The following FAM47E variants were observed in gnomAD, a reference collection of about 807,000 sequenced individuals.
FAM47E encodes the protein family with sequence similarity 47 member E.
FAM47E carries 32 observed loss-of-function variants against 41.6 expected under a neutral mutation model. That is an observed-to-expected ratio of 0.77 (90% confidence interval 0.58 to 1.03). FAM47E has a LOEUF of 1.03. FAM47E is among the 50% of genes least tolerant of loss of function. The probability of loss-of-function intolerance (pLI) is 0.00; values close to 1 mark genes in which losing one functional copy is unlikely to be tolerated. For missense variants in FAM47E, 424 were observed against 485.4 expected (o/e 0.87, Z 1.19); for synonymous variants, 184 against 188.7 (o/e 0.98, Z 0.20).
At chr4:76,236,856 G>T (rs1006065340) in intron 2 of FAM47E, among the ~76,000 whole-genome samples, 1 of 151,514 alleles carries the variant, frequency 6.6e-6, no homozygotes, top group African/African-American at 2.4e-5. Flanking sequence ...CAGGTAGTAG[G>T]CTTCAGAGAG....
At chr4:76,224,188 T>A (rs892346537) in intron 2 of FAM47E, among the ~76,000 whole-genome samples, 2 of 152,230 alleles carry the variant, frequency 1.3e-5, no homozygotes, top group African/African-American at 4.8e-5. Flanking sequence ...ATTACATACA[T>A]GTTTTCAGGT....
At chr4:76,268,304 G>T in intron 3 of FAM47E, 1 of 193,226 alleles carries the variant, frequency 5.2e-6, no homozygotes, top group South Asian at 9.8e-5. Flanking sequence ...GAGAAGTCAA[G>T]GATGACTCCT....
At chr4:76,254,929 T>A (rs921521541) in intron 1 of FAM47E, among the ~76,000 whole-genome samples, 2 of 152,126 alleles carry the variant, frequency 1.3e-5, no homozygotes, top group Non-Finnish European at 2.9e-5. Flanking sequence ...TACTCAATGC[T>A]AACAGGGCGC....
At chr4:76,217,543 G>A in intron 1 of FAM47E, 1 of 449,848 alleles carries the variant, frequency 2.2e-6, no homozygotes, top group East Asian at 3.3e-5. Context: ...CTGCCCATGT[G>A]CCTCACACAG....
At chr4:76,268,871 A>G (rs970616078) in intron 4 of FAM47E, 103 bp downstream of exon 4, 2 of 1,431,918 alleles carry the variant, frequency 1.4e-6, no homozygotes, top group African/African-American at 1.4e-5. Flanking sequence ...AGTTGCTTTT[A>G]TTAAAAAACA....
chr4:76,235,313 G>A (rs1049237792), intron 2 of FAM47E, among the ~76,000 whole-genome samples: 3 of 152,182 alleles, frequency 2.0e-5, no homozygotes, highest in Non-Finnish European at 4.4e-5. Flanking sequence ...GCGAGACTCC[G>A]TCTCAAAAAA....
At chr4:76,227,890 C>A (rs977247124) in intron 2 of FAM47E, among the ~76,000 whole-genome samples, 1 of 152,118 alleles carries the variant, frequency 6.6e-6, no homozygotes, top group African/African-American at 2.4e-5. Context: ...ATATCTTTTT[C>A]TAGCCCATTA....
intron 5 of FAM47E, among the ~76,000 whole-genome samples, chr4:76,273,164 G>A (rs1372467167): frequency 1.3e-5 from 2 of 152,318 alleles, no homozygotes; most frequent in African/African-American, 2.4e-5. Flanking sequence ...GGTGGGTAGT[G>A]TGTACAGTGT....
intron 3 of FAM47E, among the ~76,000 whole-genome samples, chr4:76,265,703 A>G (rs2110014471): frequency 6.6e-6 from 1 of 152,274 alleles, no homozygotes; most frequent in South Asian, 2.1e-4. Context: ...GTGGCTGGTC[A>G]TCAGAAAGAC....
Position 76,226,426 on chromosome 4 carries a change from G to T in FAM47E, c.81+8738G>T, listed in dbSNP as rs561431288. Among the ~76,000 whole-genome samples, 6 of 152,342 alleles carry T rather than the reference G, an allele frequency of 3.9e-5. No individual in the cohort carries two copies. The East Asian group carries it at 1.2e-3, about 29-fold the overall frequency. Reference sequence around the variant, plus strand: ...ATTTATGATTTTGGGAGAGCAAGGAGCAAGGGGCCAGTGAGTCTGGACACA... The same window carrying T: ...ATTTATGATTTTGGGAGAGCAAGGATCAAGGGGCCAGTGAGTCTGGACACA... On this transcript the variant is annotated intron_variant, in intron 2 of 7. Coordinates refer to the FAM47E transcript ENST00000510197.
intron 7 of FAM47E, 67 bp from the exon 8 acceptor site, chr4:76,283,314 G>A: frequency 1.2e-6 from 1 of 863,090 alleles, no homozygotes; most frequent in Non-Finnish European, 1.9e-6. Flanking sequence ...GGTAGTGGTT[G>A]TGGGGAGGAC....
At chr4:76,237,344 C>A (rs986298747) in intron 2 of FAM47E, among the ~76,000 whole-genome samples, 16 of 108,606 alleles carry the variant, frequency 1.5e-4, no homozygotes, top group African/African-American at 5.1e-4. Flanking sequence ...GGTTGAGGGG[C>A]CTTAGAGTTT....
intron 3 of FAM47E, among the ~76,000 whole-genome samples, chr4:76,266,047 A>G (rs749093878): frequency 1.9e-4 from 29 of 152,228 alleles, no homozygotes; most frequent in Non-Finnish European, 3.1e-4. Context: ...TAACTAAATC[A>G]GCTCTCAGGG....
At chr4:76,278,498 C>T (rs1735220441) in intron 6 of FAM47E, 1 of 410,230 alleles carries the variant, frequency 2.4e-6, no homozygotes, top group South Asian at 1.1e-4. Flanking sequence ...CAATTTATTC[C>T]AAGGATAATT....
At chr4:76,233,529 G>A (rs142158852) in intron 2 of FAM47E, among the ~76,000 whole-genome samples, 272 of 151,970 alleles carry the variant, frequency 1.8e-3, no homozygotes, top group Middle Eastern at 6.8e-3. Context: ...CTGAGCACTT[G>A]TCTTTCTTTA....
intron 3 of FAM47E, among the ~76,000 whole-genome samples, 196 bp downstream of exon 3, chr4:76,264,039 G>A (rs911393810): frequency 2.0e-5 from 3 of 152,164 alleles, no homozygotes; most frequent in African/African-American, 4.8e-5. Context: ...TTTATCCAGC[G>A]ACGACGCAGA....
intron 1 of FAM47E, among the ~76,000 whole-genome samples, chr4:76,252,135 C>T (rs1733992345): frequency 1.3e-5 from 2 of 152,108 alleles, no homozygotes; most frequent in Non-Finnish European, 2.9e-5. Context: ...TCCTGCTAGC[C>T]ACCCACCCTT....
chr4:76,273,381 T>C (rs1436066182), intron 5 of FAM47E, among the ~76,000 whole-genome samples: 2 of 152,222 alleles, frequency 1.3e-5, no homozygotes, highest in African/African-American at 4.8e-5. Context: ...GGGAATTTTG[T>C]ATTTTGTGGG....
At chr4:76,217,993 T>G (rs1468901110) in intron 2 of FAM47E, among the ~76,000 whole-genome samples, 1 of 152,238 alleles carries the variant, frequency 6.6e-6, no homozygotes, top group Non-Finnish European at 1.5e-5. Flanking sequence ...CATTGTATAC[T>G]TTTATGTTCA....
Sources: gnomAD v4.1 joint callset for allele counts (sites outside exome capture counted in the v4.1 genomes callset) on GRCh38, gnomAD v4.1.1 for gene constraint, MANE v1.5 for transcripts, NCBI Gene and HGNC (gene_info 2026-07-23, HGNC 2026-07-21) for gene names.